The following IGF2 variants were observed in gnomAD, a reference collection of about 807,000 sequenced individuals.
IGF2 encodes insulin-like growth factor 2.
Under a neutral mutation model 12.0 loss-of-function variants are expected in IGF2, and 2 were observed. The observed-to-expected ratio is 0.17, with a 90% CI of 0.07 to 0.52. The LOEUF is 0.52. IGF2 is among the 20% of genes least tolerant of loss of function. The pLI is 0.95. For missense variants in IGF2, 211 were observed against 268.0 expected, an observed-to-expected ratio of 0.79 and a Z score of 1.48; for synonymous variants, 105 against 110.1, an observed-to-expected ratio of 0.95 and a Z score of 0.29.
At chr11:2,143,138 G>C (rs913254292), upstream of IGF2, among the ~76,000 whole-genome samples, 1 of 152,152 alleles carries the variant, frequency 6.6e-6, no homozygotes, top group Non-Finnish European at 1.5e-5. Flanking sequence ...ATTCAGAAAA[G>C]GATTCAACAT....
the IGF2 span, chr11:2,149,299 A>G: frequency 6.2e-7 from 1 of 1,613,416 alleles, no homozygotes; most frequent in East Asian, 2.2e-5. Flanking sequence ...TGGCGTCCAG[A>G]CCCTCTGGCC....
upstream of IGF2, chr11:2,146,203 C>T (rs1304850545): frequency 1.9e-6 from 1 of 522,620 alleles, no homozygotes; most frequent in Admixed American, 1.9e-5. Flanking sequence ...CCTCGCTCAC[C>T]AGCCCTGAAG....
rs755066389 is a variant in IGF2 at position 2,133,564 on chromosome 11, G to C, written c.259C>G (p.Pro87Ala). 6.2e-7 allele frequency: 1 copy of C among 1,613,016 alleles called. No individual in the cohort carries two copies. Among genetic ancestry groups the C allele is most frequent in the Non-Finnish European group, 8.5e-7 (1 of 1,180,010 alleles). Residue 87 changes from proline to alanine, a missense_variant, in exon 3 of 4, where the codon CCC (proline) becomes GCC (alanine). Pro to Ala is a conservative substitution (Grantham distance 27). Transcript: ENST00000416167. The surrounding 1 kb of genome is among the most constrained non-coding windows in gnomAD (Gnocchi z 8.9). Reference sequence around the variant, plus strand: ...GACACGTCCCTCTCGGACTTGGCGGGGGTAGCACAGTACGTCTCCAGGAGG... The same window carrying C: ...GACACGTCCCTCTCGGACTTGGCGGCGGTAGCACAGTACGTCTCCAGGAGG... ...LALLETYCAT[P>A]AKSERDVSTP...
In IGF2 at chr11:2,138,952, G is replaced by A. The variant is rs1339471950; in HGVS notation, c.-730C>T. ...CGGAGCCCTCTGCCGTCGCGAGCCC[G>A]GGCCTCGGGAGGGGGACAGGCGGTG... is the stretch of plus-strand genomic sequence containing the variant. On this transcript the variant is annotated 5_prime_UTR_variant, in exon 1 of 4. Transcript: ENST00000416167. 1.0e-6 allele frequency: 1 copy of A among 983,240 alleles called. No individual in the cohort carries two copies. The allele number at this position is 983,240 out of a possible 1,614,324, so 60.9% of individuals were successfully genotyped here.
chr11:2,140,328 A>G, upstream of IGF2: 4 of 1,595,780 alleles, frequency 2.5e-6, no homozygotes, highest in Non-Finnish European at 3.4e-6. Flanking sequence ...GTAAGAAAGC[A>G]CTGTGATTTT....
upstream of IGF2, chr11:2,140,549 C>A: frequency 2.0e-6 from 1 of 503,128 alleles, no homozygotes; most frequent in Non-Finnish European, 3.5e-6. Flanking sequence ...TACCGCCCGG[C>A]GGGAGCGCCT....
At chr11:2,137,887 G>C (rs1227344182) in intron 1 of IGF2, among the ~76,000 whole-genome samples, 1 of 152,182 alleles carries the variant, frequency 6.6e-6, no homozygotes, top group African/African-American at 2.4e-5. Context: ...CCGGAGGCCA[G>C]GGCCCGCAAG....
chr11:2,137,234 G>A, intron 1 of IGF2: 1 of 991,510 alleles, frequency 1.0e-6, no homozygotes, highest in Non-Finnish European at 1.2e-6. Context: ...GGAGGAGGAA[G>A]AGGAGGAGGA....
chr11:2,147,286 TC>T, the IGF2 span: 1 of 324,028 alleles, frequency 3.1e-6, no homozygotes, highest in African/African-American at 2.1e-5. The surrounding 1 kb of genome is among the most constrained non-coding windows in gnomAD (Gnocchi z 7.2). Flanking sequence ...TCCCTGCCCC[TC>T]TCCCCTTCTT....
At position 2,132,322 on chromosome 11, in the gene IGF2, T is replaced by C. The variant is rs1282064119; in HGVS notation, c.*665A>G. 2 of 192,874 alleles carry C rather than the reference T, an allele frequency of 1.0e-5. No homozygotes were observed. The highest frequency in any genetic ancestry group is 4.6e-5 in the African/African-American group (2 of 43,028). The allele number at this position is 192,874 out of a possible 1,614,324, so 11.9% of individuals were successfully genotyped here. A position where few individuals can be genotyped will look rare whatever the true frequency, so the allele number is the denominator to read the frequency against. Reference sequence around the variant, plus strand: ...GAGCCAGTCTGGGTTGTTGCTATTTTCGGATGGCCAGTTTACCCTGAAAAT... The same window carrying C: ...GAGCCAGTCTGGGTTGTTGCTATTTCCGGATGGCCAGTTTACCCTGAAAAT... On this transcript the variant is annotated 3_prime_UTR_variant, in exon 4 of 4. Transcript: ENST00000416167.
At chr11:2,149,111 T>G in the IGF2 span, 1 of 1,609,038 alleles carries the variant, frequency 6.2e-7, no homozygotes, top group South Asian at 1.1e-5. Context: ...ACTCAAGGGA[T>G]GGGAGCCCAG....
At chr11:2,140,359 A>C, upstream of IGF2, 1 of 1,480,566 alleles carries the variant, frequency 6.8e-7, no homozygotes, top group Non-Finnish European at 9.2e-7. Context: ...AAAACCACGC[A>C]CAAAATCCCG....
rs1858538799 is a variant in IGF2 at position 2,131,427 on chromosome 11, C to CGTGTGTGTGCGCAT, written c.*1546_*1559dup. On this transcript the variant is annotated 3_prime_UTR_variant, in exon 4 of 4. Transcript: ENST00000416167. ...TTTCATCCAATTTTGTGGGGGTGTG[C>CGTGTGTGTGCGCAT]GTGTGTGTGCGCATGTGTGTGTGCA... is the stretch of plus-strand genomic sequence containing the variant. 1.7e-5 allele frequency: 4 copies of CGTGTGTGTGCGCAT among 231,918 alleles called. No homozygotes were observed. The highest frequency in any genetic ancestry group is 3.4e-5 in the Non-Finnish European group (4 of 118,042). The allele number at this position is 231,918 out of a possible 1,614,324, so 14.4% of individuals were successfully genotyped here.
At chr11:2,148,867 C>A in the IGF2 span, 16 of 539,008 alleles carry the variant, frequency 3.0e-5, no homozygotes, top group Non-Finnish European at 4.6e-5. This position sits in a 1 kb window ranked among gnomAD's most constrained non-coding sequence, Gnocchi z 4.3. Flanking sequence ...TCAAGGAAAA[C>A]CTATTTTCCT....
the IGF2 span, chr11:2,147,208 T>G: frequency 5.8e-6 from 1 of 173,824 alleles, no homozygotes; most frequent in Non-Finnish European, 1.2e-5. The surrounding 1 kb of genome is among the most constrained non-coding windows in gnomAD (Gnocchi z 7.2). Context: ...TCCCCAATGA[T>G]ATTTTCCCTT....
chr11:2,147,388 C>T, the IGF2 span: 1 of 395,208 alleles, frequency 2.5e-6, no homozygotes, highest in Non-Finnish European at 4.4e-6. The surrounding 1 kb of genome is among the most constrained non-coding windows in gnomAD (Gnocchi z 7.2). Flanking sequence ...CTGCTCTGGC[C>T]CCTAGACGGA....
chr11:2,136,309 C>G (rs1262866302), intron 1 of IGF2, among the ~76,000 whole-genome samples: 1 of 152,256 alleles, frequency 6.6e-6, no homozygotes, highest in African/African-American at 2.4e-5. Flanking sequence ...TCAAATCGAA[C>G]CAGTAAGGCC....
At position 2,133,594 on chromosome 11, in the gene IGF2, G is replaced by A; in HGVS notation, c.229C>T (p.Leu77=). Residue 77 remains leucine (L), a synonymous_variant, in exon 3 of 4, where the codon CTG becomes TTG. Coordinates refer to ENST00000416167, the MANE Select transcript of IGF2 (RefSeq NM_000612.6). This position sits in a 1 kb window ranked among gnomAD's most constrained non-coding sequence, Gnocchi z 8.9. ...VEECCFRSCD[L]ALLETYCATP... is the part of the protein sequence containing the mutation. ...GCACAGTACGTCTCCAGGAGGGCCA[G>A]GTCACAGCTGCGGAAACAGCACTCC... 1 of 1,613,074 alleles carries A rather than the reference G, an allele frequency of 6.2e-7. No homozygotes were observed. Among genetic ancestry groups the A allele is most frequent in the Non-Finnish European group, 8.5e-7 (1 of 1,179,992 alleles).
chr11:2,136,007 A>T (rs897205284), intron 1 of IGF2, among the ~76,000 whole-genome samples: 2 of 152,090 alleles, frequency 1.3e-5, no homozygotes, highest in Admixed American at 1.3e-4. Flanking sequence ...ATCCAGGAGG[A>T]CCAGTCCCTT....
Sources: allele counts gnomAD v4.1 joint callset (sites outside exome capture counted in the v4.1 genomes callset), GRCh38; gene constraint gnomAD v4.1.1; non-coding constraint Gnocchi (gnomAD v3.1); transcripts MANE v1.5; gene names NCBI Gene and HGNC (gene_info 2026-07-23, HGNC 2026-07-21).